The following GYS2 variants were observed in gnomAD, a reference collection of about 807,000 sequenced individuals.
GYS2 encodes the protein glycogen [starch] synthase, liver.
Under a neutral mutation model 85.6 loss-of-function variants are expected in GYS2, and 80 were observed. The observed-to-expected ratio is 0.93, with a 90% CI of 0.78 to 1.13. GYS2 has a LOEUF of 1.13. Ranked by LOEUF, GYS2 falls within the 50% of genes most tolerant of loss-of-function variation. The probability of loss-of-function intolerance (pLI) is 0.00; values close to 1 mark genes in which losing one functional copy is unlikely to be tolerated. For synonymous variants in GYS2, 328 were observed against 300.7 expected, an observed-to-expected ratio of 1.09 and a Z score of -0.94; for missense variants, 881 against 854.9, an observed-to-expected ratio of 1.03 and a Z score of -0.38.
At chr12:21,540,807 G>T (rs1420718751) in intron 13 of GYS2, among the ~76,000 whole-genome samples, 1 of 152,132 alleles carries the variant, frequency 6.6e-6, no homozygotes, top group Non-Finnish European at 1.5e-5. Context: ...AACTCTGGCA[G>T]TCTAGGGATA....
chr12:21,586,206 A>C lies in GYS2; in HGVS notation c.122-5683T>G, dbSNP rs1173517917. On this transcript the variant is annotated intron_variant, in intron 1 of 15. Transcript: ENST00000261195. ...CCAGGATATAAAGCAGGCAGAAAAA[A>C]AACATGTGAAAATCCTGGACTGGCT... Among the ~76,000 whole-genome samples, 3 of 152,084 alleles carry C rather than the reference A, an allele frequency of 2.0e-5. No individual in the cohort carries two copies. The East Asian group carries it at 5.8e-4, about 29-fold the overall frequency.
intron 1 of GYS2, among the ~76,000 whole-genome samples, chr12:21,592,303 C>A (rs147274559): frequency 1.3e-5 from 2 of 151,530 alleles, no homozygotes; most frequent in African/African-American, 4.8e-5. Flanking sequence ...CAATAATAGC[C>A]TTGCATGTAA....
At chr12:21,535,513 C>G (rs974160141), downstream of GYS2, among the ~76,000 whole-genome samples, 3 of 152,194 alleles carry the variant, frequency 2.0e-5, no homozygotes, top group African/African-American at 2.4e-5. Context: ...AATTATTTCT[C>G]TTCTTTCTGG....
intron 5 of GYS2, among the ~76,000 whole-genome samples, chr12:21,566,253 C>A (rs930548369): frequency 3.9e-5 from 6 of 152,142 alleles, no homozygotes; most frequent in Non-Finnish European, 7.4e-5. Flanking sequence ...TGTAGTTGCA[C>A]CCTCAGCGTT....
chr12:21,597,587 G>A (rs139811517), intron 1 of GYS2, among the ~76,000 whole-genome samples: 2 of 152,090 alleles, frequency 1.3e-5, no homozygotes, highest in East Asian at 3.9e-4. Context: ...GGCACTCGTA[G>A]GCACTATTGG....
rs772173100 is a variant in GYS2, at chr12:21,546,335, G to A, written c.1549+9C>T. The A allele has an allele frequency of 5.0e-6, 8 of 1,587,848 alleles. No homozygotes were observed. In the African/African-American group the frequency reaches 1.1e-4, roughly 21 times the overall value. ...TCAAAACATTCCACACTCTATACAT[G>A]ACACATACCTGGAGTATAACCCCAG... is the stretch of plus-strand genomic sequence containing the variant. On this transcript the variant is annotated intron_variant, in intron 12 of 15. Coordinates refer to ENST00000261195, the MANE Select transcript of GYS2 (RefSeq NM_021957.4).
At chr12:21,557,174 G>C (rs112950860) in intron 11 of GYS2, among the ~76,000 whole-genome samples, 6 of 152,114 alleles carry the variant, frequency 3.9e-5, no homozygotes, top group African/African-American at 1.4e-4. Context: ...GTGAAAATGG[G>C]TTCATTTGAA....
intron 14 of GYS2, among the ~76,000 whole-genome samples, chr12:21,540,179 G>C (rs951459802): frequency 6.6e-6 from 1 of 152,306 alleles, no homozygotes. Flanking sequence ...TAGCTAGTAA[G>C]ATCAGTGCTA....
intron 1 of GYS2, among the ~76,000 whole-genome samples, chr12:21,599,355 A>G (rs904273962): frequency 6.6e-6 from 1 of 152,152 alleles, no homozygotes; most frequent in Non-Finnish European, 1.5e-5. Context: ...TACTTGTGAC[A>G]AAGGTCAGCA....
intron 4 of GYS2, among the ~76,000 whole-genome samples, chr12:21,573,328 T>G (rs943585248): frequency 1.3e-5 from 2 of 152,168 alleles, no homozygotes; most frequent in Non-Finnish European, 2.9e-5. Flanking sequence ...ATTTTCCTGA[T>G]AGCAAAACTG....
intron 2 of GYS2, among the ~76,000 whole-genome samples, chr12:21,579,417 G>A (rs180874121): frequency 5.0e-5 from 7 of 139,592 alleles, no homozygotes; most frequent in African/African-American, 1.1e-4. Flanking sequence ...GCAATGGCAC[G>A]ATCTCAGCTC....
intron 1 of GYS2, among the ~76,000 whole-genome samples, chr12:21,601,238 G>C (rs1944752994): frequency 6.6e-6 from 1 of 152,000 alleles, no homozygotes; most frequent in Non-Finnish European, 1.5e-5. Context: ...TCACACCACA[G>C]TCTAATTTCC....
At chr12:21,593,647 T>A (rs1944664158) in intron 1 of GYS2, among the ~76,000 whole-genome samples, 1 of 151,870 alleles carries the variant, frequency 6.6e-6, no homozygotes, top group Non-Finnish European at 1.5e-5. Flanking sequence ...AAAAGAAAAT[T>A]TCAAGACCAG....
At chr12:21,543,391 G>A (rs535814793) in intron 12 of GYS2, among the ~76,000 whole-genome samples, 2 of 152,262 alleles carry the variant, frequency 1.3e-5, no homozygotes, top group South Asian at 4.1e-4. Flanking sequence ...TTAGTGGTGG[G>A]TGGTGCAGAG....
chr12:21,536,922 T>G lies in GYS2; in HGVS notation c.*32A>C. 1 of 1,481,532 alleles carries G rather than the reference T, an allele frequency of 6.7e-7. No homozygotes were observed. The highest frequency in any genetic ancestry group is 9.4e-7 in the Non-Finnish European group (1 of 1,060,076). The allele number at this position is 1,481,532 out of a possible 1,614,324, so 91.8% of individuals were successfully genotyped here. ...AATAATTAGTCTTACTTTGCTTTTT[T>G]AAATTAGCTCTTCATGCAGCACATG... is the stretch of plus-strand genomic sequence containing the variant. On this transcript the variant is annotated 3_prime_UTR_variant, in exon 16 of 16. Transcript: ENST00000261195.
At chr12:21,588,421 G>C (rs897857994) in intron 1 of GYS2, among the ~76,000 whole-genome samples, 7 of 152,196 alleles carry the variant, frequency 4.6e-5, no homozygotes, top group African/African-American at 1.4e-4. Context: ...TGAAAGGCGA[G>C]ACACAAAAGG....
At chr12:21,566,904 A>T (rs892016490) in intron 5 of GYS2, among the ~76,000 whole-genome samples, 2 of 152,188 alleles carry the variant, frequency 1.3e-5, no homozygotes, top group Admixed American at 6.5e-5. Flanking sequence ...AGAAAATAGT[A>T]TATAGAGAAA....
intron 1 of GYS2, among the ~76,000 whole-genome samples, chr12:21,581,658 A>G (rs1944511511): frequency 6.6e-6 from 1 of 152,208 alleles, no homozygotes; most frequent in African/African-American, 2.4e-5. Context: ...TTAAAACACA[A>G]AGCCACAATA....
intron 1 of GYS2, among the ~76,000 whole-genome samples, chr12:21,600,215 T>C (rs1443542888): frequency 6.6e-6 from 1 of 152,134 alleles, no homozygotes; most frequent in Admixed American, 6.5e-5. Flanking sequence ...CTAGAACGCC[T>C]GGATTCAATT....
Sources: allele counts gnomAD v4.1 joint callset (sites outside exome capture counted in the v4.1 genomes callset), GRCh38; gene constraint gnomAD v4.1.1; transcripts MANE v1.5; gene names NCBI Gene and HGNC (gene_info 2026-07-23, HGNC 2026-07-21).